The following SNIP1 variants were observed in gnomAD, a reference collection of about 807,000 sequenced individuals.
SNIP1 encodes smad nuclear-interacting protein 1.
In SNIP1, 23 loss-of-function variants were observed where a neutral mutation model predicts 37.4. The ratio of observed to expected loss-of-function variants is 0.61; its 90% CI spans 0.44 to 0.87. The LOEUF is 0.87. SNIP1 is among the 40% of genes least tolerant of loss of function. SNIP1 has a pLI of 0.00. For synonymous variants in SNIP1, 174 were observed against 200.0 expected, an observed-to-expected ratio of 0.87 and a Z score of 1.10; for missense variants, 459 against 540.4, an observed-to-expected ratio of 0.85 and a Z score of 1.49.
intron 3 of SNIP1, among the ~76,000 whole-genome samples, chr1:37,538,318 C>A (rs955741226): frequency 1.5e-4 from 23 of 152,010 alleles, no homozygotes; most frequent in Non-Finnish European, 3.2e-4. Flanking sequence ...ACCATCCTGG[C>A]TAACATGGTG....
chr1:37,548,152 C>CAAAAAA (rs35503081), intron 2 of SNIP1, among the ~76,000 whole-genome samples: 48 of 65,324 alleles, frequency 7.3e-4, no homozygotes, highest in East Asian at 1.0e-3. Context: ...GACTCCATAT[C>CAAAAAA]AAAAAAAAAA....
At chr1:37,546,071 A>G (rs187342497) in intron 2 of SNIP1, among the ~76,000 whole-genome samples, 34 of 152,206 alleles carry the variant, frequency 2.2e-4, no homozygotes, top group Admixed American at 5.9e-4. Context: ...CAGGGTCTCA[A>G]ATAGATACTT....
chr1:37,549,444 G>A (rs1432415734), intron 2 of SNIP1, among the ~76,000 whole-genome samples: 1 of 151,964 alleles, frequency 6.6e-6, no homozygotes, highest in Non-Finnish European at 1.5e-5. Context: ...TCACTCTGTC[G>A]CCCAGGCTGG....
At chr1:37,549,245 A>G (rs1643275382) in intron 2 of SNIP1, among the ~76,000 whole-genome samples, 1 of 152,210 alleles carries the variant, frequency 6.6e-6, no homozygotes, top group Admixed American at 6.5e-5. Context: ...ACAAAGAAAT[A>G]TGTATAGGAT....
chr1:37,545,470 CAA>C (rs74801000), intron 2 of SNIP1, among the ~76,000 whole-genome samples: 33 of 87,222 alleles, frequency 3.8e-4, no homozygotes, highest in Non-Finnish European at 4.6e-4. Flanking sequence ...CCGCCCCCAC[CAA>C]AAAAAAAAAA....
rs2174769 is a variant in SNIP1 at position 37,540,758 on chromosome 1, A to G, written c.328-3T>C. 1,316,596 of 1,578,512 alleles carry G rather than the reference A, an allele frequency of 0.83. 556,525 individuals are homozygous for G. Among genetic ancestry groups the G allele is most frequent in the East Asian group, 0.95 (42,309 of 44,330 alleles). On this transcript the variant is annotated splice_polypyrimidine_tract_variant and splice_region_variant and intron_variant, in intron 2 of 3. Transcript: ENST00000296215. This position sits in a 1 kb window ranked among gnomAD's most constrained non-coding sequence, Gnocchi z 5.6. ...CTCCGGGGATGATCCTCACGCTCCTAAAATTCAAACAGATTCTGTAATTTA... is the reference window on the plus strand; with the variant it reads ...CTCCGGGGATGATCCTCACGCTCCTGAAATTCAAACAGATTCTGTAATTTA...
At chr1:37,543,134 T>G (rs1379254064) in intron 2 of SNIP1, among the ~76,000 whole-genome samples, 2 of 151,520 alleles carry the variant, frequency 1.3e-5, no homozygotes, top group Non-Finnish European at 2.9e-5. Context: ...CATCAAATTC[T>G]AAAAGAAATA....
chr1:37,550,884 A>C (rs964332028), intron 2 of SNIP1, among the ~76,000 whole-genome samples: 4 of 152,140 alleles, frequency 2.6e-5, no homozygotes, highest in African/African-American at 9.7e-5. Context: ...TCACGAGGTC[A>C]GAAGTTTGAG....
intron 2 of SNIP1, among the ~76,000 whole-genome samples, chr1:37,545,485 A>T (rs76002789): frequency 2.0e-5 from 3 of 151,660 alleles, no homozygotes; most frequent in Non-Finnish European, 4.4e-5. Flanking sequence ...AAAAAAAAAA[A>T]ACAAAGAAAA....
chr1:37,538,275 G>A lies in SNIP1; in HGVS notation c.927-263C>T, dbSNP rs137936988. On this transcript the variant is annotated intron_variant, in intron 3 of 3. Transcript: ENST00000296215. ...TGTAATCCCAGCACTTTGGGAGGCCGAGACGGGCGGATCACGAGGTCAGGA... is the reference window on the plus strand; with the variant it reads ...TGTAATCCCAGCACTTTGGGAGGCCAAGACGGGCGGATCACGAGGTCAGGA... Among the ~76,000 whole-genome samples the A allele has an allele frequency of 5.9e-3, 900 of 152,228 alleles. 10 individuals are homozygous for A. The highest frequency in any genetic ancestry group is 0.021 in the African/African-American group (862 of 41,550).
intron 3 of SNIP1, among the ~76,000 whole-genome samples, chr1:37,538,417 G>C (rs141627890): frequency 1.3e-5 from 2 of 149,396 alleles, no homozygotes; most frequent in African/African-American, 4.9e-5. Context: ...GTTGAGGCAC[G>C]AGAATGGCGT....
In SNIP1 at chr1:37,540,161, A is replaced by G; in HGVS notation, c.922T>C (p.Tyr308His). 1 of 1,578,176 alleles carries G rather than the reference A, an allele frequency of 6.3e-7. No homozygotes were observed. The highest frequency in any genetic ancestry group is 1.8e-5 in the Admixed American group (1 of 55,618). Residue 308 changes from tyrosine (Y) to histidine (H), a missense_variant, in exon 3 of 4, where the codon TAT (tyrosine) becomes CAT (histidine). By Grantham distance (83) the Tyr-to-His change is moderately conservative (BLOSUM62 2). Transcript: ENST00000296215. The surrounding 1 kb of genome is among the most constrained non-coding windows in gnomAD (Gnocchi z 5.6). ...TTCTTCCTCCATGTTACTTACCGAT[A>G]TTGAAAGACCGCATGCTGCTTTGAA... ...SCSKQHAVFQ[Y>H]RLVEYTRADG...
chr1:37,539,841 C>T (rs948684071), intron 3 of SNIP1, among the ~76,000 whole-genome samples: 5 of 152,216 alleles, frequency 3.3e-5, no homozygotes, highest in African/African-American at 1.2e-4. Context: ...GTCCCAGTTA[C>T]TCAGGAGGCC....
intron 2 of SNIP1, chr1:37,544,625 C>T: frequency 2.2e-6 from 1 of 459,560 alleles, no homozygotes; most frequent in South Asian, 2.0e-5. Context: ...CGGAACCAGG[C>T]ACTCGTACCC....
chr1:37,540,811 C>A lies in SNIP1; in HGVS notation c.328-56G>T. The A allele has an allele frequency of 6.8e-7, 1 of 1,468,888 alleles. No individual in the cohort carries two copies. Among genetic ancestry groups the A allele is most frequent in the South Asian group, 1.4e-5 (1 of 71,426 alleles). The allele number at this position is 1,468,888 out of a possible 1,614,324, so 91.0% of individuals were successfully genotyped here. A position where few individuals can be genotyped will look rare whatever the true frequency, so the allele number is the denominator to read the frequency against. ...CGCAGTGCACAATCTAAAGGCAGCC[C>A]AAATCTTGTTCTTTTTGAACGAAGT... is the stretch of plus-strand genomic sequence containing the variant. On this transcript the variant is annotated intron_variant, in intron 2 of 3. Transcript: ENST00000296215. The surrounding 1 kb of genome is among the most constrained non-coding windows in gnomAD (Gnocchi z 5.6).
intron 2 of SNIP1, among the ~76,000 whole-genome samples, chr1:37,547,562 C>T (rs1467465746): frequency 3.3e-5 from 5 of 149,888 alleles, no homozygotes; most frequent in African/African-American, 9.8e-5. Context: ...GGTGAAACCC[C>T]GTCTCTACTA....
intron 2 of SNIP1, among the ~76,000 whole-genome samples, chr1:37,550,661 C>A (rs759374557): frequency 6.6e-6 from 1 of 151,656 alleles, no homozygotes; most frequent in African/African-American, 2.4e-5. Flanking sequence ...GAGCTGAGAT[C>A]GCGCCATTAC....
intron 2 of SNIP1, among the ~76,000 whole-genome samples, chr1:37,546,692 A>G (rs1457855272): frequency 1.3e-5 from 2 of 152,124 alleles, no homozygotes. Flanking sequence ...AGAGAAAGAA[A>G]GAAAGAAAAA....
At chr1:37,551,387 C>A (rs557594570) in intron 2 of SNIP1, among the ~76,000 whole-genome samples, 1 of 152,050 alleles carries the variant, frequency 6.6e-6, no homozygotes. Context: ...ACAGGGAAAC[C>A]GGATCATTCA....
Sources: allele counts gnomAD v4.1 joint callset (sites outside exome capture counted in the v4.1 genomes callset), GRCh38; gene constraint gnomAD v4.1.1; non-coding constraint Gnocchi (gnomAD v3.1); transcripts MANE v1.5; gene names NCBI Gene and HGNC (gene_info 2026-07-23, HGNC 2026-07-21).